Variants in UNC13A observed in about 807,000 individuals in gnomAD.
UNC13A encodes the protein protein unc-13 homolog A.
A neutral mutation model predicts 219.7 loss-of-function variants in UNC13A; 61 were observed. That is an observed-to-expected ratio of 0.28 (90% CI 0.23 to 0.34). The LOEUF is 0.34. Among genes scored for constraint, UNC13A ranks in the 10% least tolerant of loss-of-function variants. The pLI, the probability that UNC13A is intolerant of heterozygous loss-of-function variation, is 1.00. For missense variants in UNC13A, 1,476 were observed against 2,270.3 expected (o/e 0.65, Z 7.11); for synonymous variants, 920 against 884.6 (o/e 1.04, Z -0.71).
intron 9 of UNC13A, 45 bp downstream of exon 9, chr19:17,658,017 A>G: frequency 6.3e-7 from 1 of 1,588,926 alleles, no homozygotes; most frequent in Non-Finnish European, 8.6e-7. Flanking sequence ...CCACTCCAGG[A>G]GACACAGCAG....
Position 17,618,967 on chromosome 19 carries a change from A to G in UNC13A, c.4273-5T>C, listed in dbSNP as rs2144955796. ...ATTGAAGATCATCTGGGTTCCCTGC[A>G]GGTAACAACATACAGCTGGGTGAGG... is the stretch of plus-strand genomic sequence containing the variant. On this transcript the variant is annotated splice_polypyrimidine_tract_variant and splice_region_variant and intron_variant, in intron 38 of 43. Transcript: ENST00000519716. 1 of 1,613,934 alleles carries G rather than the reference A, an allele frequency of 6.2e-7. No homozygotes were observed. The highest frequency in any genetic ancestry group is 8.5e-7 in the Non-Finnish European group (1 of 1,179,836).
chr19:17,605,899 A>T lies in UNC13A; in HGVS notation c.*155T>A. Reference sequence around the variant, plus strand: ...CATCCTCCATTCCTAATTCCCCAAAAGGGAAAGCTGAGTCAAGGGCGTAGG... The same window carrying T: ...CATCCTCCATTCCTAATTCCCCAAATGGGAAAGCTGAGTCAAGGGCGTAGG... On this transcript the variant is annotated 3_prime_UTR_variant, in exon 44 of 44. Transcript: ENST00000519716. 1.4e-6 allele frequency: 1 copy of T among 701,718 alleles called. No homozygotes were observed. The highest frequency in any genetic ancestry group is 2.1e-6 in the Non-Finnish European group (1 of 480,064). 43.5% of individuals were successfully genotyped at this position (701,718 alleles called of 1,614,324 possible). A position where few individuals can be genotyped will look rare whatever the true frequency, so the allele number is the denominator to read the frequency against.
chr19:17,677,767 C>G (rs1568274373), intron 1 of UNC13A, among the ~76,000 whole-genome samples: 1 of 152,140 alleles, frequency 6.6e-6, no homozygotes, highest in Non-Finnish European at 1.5e-5. Context: ...CCAAAACAAC[C>G]AAAAGATGAG....
intron 43 of UNC13A, among the ~76,000 whole-genome samples, chr19:17,607,000 G>A (rs1225354712): frequency 4.6e-5 from 7 of 151,930 alleles, no homozygotes; most frequent in African/African-American, 9.7e-5. Context: ...TCTCCCTCTT[G>A]TCCACCTCCC....
Position 17,611,743 on chromosome 19 carries a change from T to A in UNC13A, c.4651+20A>T. 6.2e-7 allele frequency: 1 copy of A among 1,610,300 alleles called. No individual in the cohort carries two copies. The highest frequency in any genetic ancestry group is 1.1e-5 in the South Asian group (1 of 90,934). ...TCTGTTTTAGAACCTAGCAAGTCCC[T>A]CCCACCTCAGACCACTCACCTTTCA... On this transcript the variant is annotated intron_variant, in intron 42 of 43. Coordinates refer to ENST00000519716, the MANE Select transcript of UNC13A (RefSeq NM_001080421.3).
intron 9 of UNC13A, 119 bp downstream of exon 9, chr19:17,657,943 G>A (rs1297308918): frequency 9.8e-6 from 10 of 1,015,940 alleles, no homozygotes; most frequent in African/African-American, 3.2e-5. Context: ...TGCCCTCCTG[G>A]ATGGGTGAAT....
chr19:17,663,785 A>AT (rs1253335166), intron 7 of UNC13A, among the ~76,000 whole-genome samples: 2 of 149,810 alleles, frequency 1.3e-5, no homozygotes, highest in African/African-American at 2.4e-5. Flanking sequence ...CTGTTTGTTT[A>AT]TTTTTTTCTT....
At chr19:17,621,510 A>T (rs555965234) in intron 37 of UNC13A, among the ~76,000 whole-genome samples, 1 of 152,252 alleles carries the variant, frequency 6.6e-6, no homozygotes, top group South Asian at 2.1e-4. Context: ...CAGGGTGGTG[A>T]TCTAGCGTGT....
chr19:17,625,216 TG>T (rs943480379), intron 34 of UNC13A, among the ~76,000 whole-genome samples: 1 of 152,010 alleles, frequency 6.6e-6, no homozygotes, highest in African/African-American at 2.4e-5. Context: ...ATGGGGGTAG[TG>T]GGGAGCCATG....
In UNC13A at chr19:17,647,581, C is replaced by A. The variant is rs142411173; in HGVS notation, c.1817-89G>T. The A allele has an allele frequency of 4.0e-4, 530 of 1,317,858 alleles. 3 individuals are homozygous for A. Among genetic ancestry groups the A allele is most frequent in the Middle Eastern group, 3.9e-3 (18 of 4,622 alleles). 81.6% of individuals were successfully genotyped at this position (1,317,858 alleles called of 1,614,324 possible). ...GAGAGCCCCGCCCCTACTCATCAAC[C>A]GGGGGGACTCAGGTGTCACCCCCTG... On this transcript the variant is annotated intron_variant, in intron 16 of 43. Coordinates refer to ENST00000519716, the MANE Select transcript of UNC13A (RefSeq NM_001080421.3).
chr19:17,608,914 G>C (rs1473033022), intron 43 of UNC13A, among the ~76,000 whole-genome samples: 1 of 150,920 alleles, frequency 6.6e-6, no homozygotes. Flanking sequence ...GCCTCCCAAA[G>C]TGTTGAGCTT....
At chr19:17,682,517 G>T (rs572998198) in intron 1 of UNC13A, among the ~76,000 whole-genome samples, 3 of 152,284 alleles carry the variant, frequency 2.0e-5, no homozygotes, top group South Asian at 4.1e-4. Flanking sequence ...GAGGTCCATT[G>T]TATGTGGAAG....
intron 36 of UNC13A, chr19:17,622,469 G>A (rs74551295): frequency 0.033 from 5,110 of 152,696 alleles, 143 homozygotes; most frequent in Non-Finnish European, 0.053. Context: ...GCCTACAAAT[G>A]CATTGCCTGT....
rs115648333 is a variant in UNC13A, at chr19:17,639,741, G to A, written c.2856+99C>T. 1.6e-3 allele frequency: 2,265 copies of A among 1,395,010 alleles called. 29 individuals carry two copies. The African/African-American group carries it at 0.026, about 16-fold the overall frequency. The allele number at this position is 1,395,010 out of a possible 1,614,324, so 86.4% of individuals were successfully genotyped here. Reference sequence around the variant, plus strand: ...TGCTGGAGGAACACATCGTACATGCGAAGATGGGTCCTCCCATGCACACAC... The same window carrying A: ...TGCTGGAGGAACACATCGTACATGCAAAGATGGGTCCTCCCATGCACACAC... On this transcript the variant is annotated intron_variant, in intron 23 of 43. Coordinates refer to ENST00000519716, the MANE Select transcript of UNC13A (RefSeq NM_001080421.3).
In UNC13A at chr19:17,606,259, G is replaced by A; in HGVS notation, c.4907C>T (p.Ala1636Val). Residue 1636 changes from alanine to valine, a missense_variant, in exon 44 of 44, where the codon GCC becomes GTC. Transcript: ENST00000519716. ...GGCCAGCTCACGCAGCTGCAGCACG[G>A]CCAGCCCCACCGTGCGGTCCTCGCG... ...FAREDRTVGLAVLQLRELAQR... is the reference protein window; with the variant it reads ...FAREDRTVGLVVLQLRELAQR... 7.8e-6 allele frequency: 12 copies of A among 1,547,512 alleles called. No individual in the cohort carries two copies. Among genetic ancestry groups the A allele is most frequent in the Non-Finnish European group, 1.0e-5 (12 of 1,146,426 alleles).
chr19:17,617,651 G>A (rs2076681268), intron 41 of UNC13A, 51 bp downstream of exon 41: 1 of 1,599,334 alleles, frequency 6.3e-7, no homozygotes, highest in African/African-American at 1.3e-5. Flanking sequence ...GGCTTGGGGC[G>A]GGGCTGTCTC....
chr19:17,656,354 T>C lies in UNC13A; in HGVS notation c.812A>G (p.Gln271Arg). 6.4e-7 allele frequency: 1 copy of C among 1,556,742 alleles called. No individual in the cohort carries two copies. Among genetic ancestry groups the C allele is most frequent in the Non-Finnish European group, 8.7e-7 (1 of 1,151,490 alleles). The change falls in exon 10 of 44, where the codon CAG becomes CGG. Residue 271 changes from glutamine to arginine, a missense_variant. Gln to Arg is a conservative substitution (Grantham distance 43). Coordinates refer to ENST00000519716, the MANE Select transcript of UNC13A (RefSeq NM_001080421.3). Reference sequence around the variant, plus strand: ...GTCCTCGCTCAGCTGAGAGCTTCCCTGGCTCAGCTCCCCGGAAGAGGCATA... The same window carrying C: ...GTCCTCGCTCAGCTGAGAGCTTCCCCGGCTCAGCTCCCCGGAAGAGGCATA... Reference protein sequence around the residue: ...SRYASSGELSQGSSQLSEDFD... With the variant: ...SRYASSGELSRGSSQLSEDFD...
Position 17,639,613 on chromosome 19 carries a change from C to A in UNC13A, c.2857-88G>T, listed in dbSNP as rs746870584. 2.8e-6 allele frequency: 4 copies of A among 1,425,166 alleles called. No homozygotes were observed. In the African/African-American group the frequency reaches 5.7e-5, roughly 20 times the overall value. 88.3% of individuals were successfully genotyped at this position (1,425,166 alleles called of 1,614,324 possible). A position where few individuals can be genotyped will look rare whatever the true frequency, so the allele number is the denominator to read the frequency against. On this transcript the variant is annotated intron_variant, in intron 23 of 43. Coordinates refer to ENST00000519716, the MANE Select transcript of UNC13A (RefSeq NM_001080421.3). ...TTTTCAGGGGGATACAAAGGCTCCC[C>A]GGTTTCAGGCTGGGGGTTGATTAGA...
At chr19:17,683,496 A>G (rs1220742604) in intron 1 of UNC13A, among the ~76,000 whole-genome samples, 1 of 151,834 alleles carries the variant, frequency 6.6e-6, no homozygotes, top group African/African-American at 2.4e-5. Context: ...CATCTCTACT[A>G]AAAATACAAA....
Sources: allele counts gnomAD v4.1 joint callset (sites outside exome capture counted in the v4.1 genomes callset), GRCh38; gene constraint gnomAD v4.1.1; transcripts MANE v1.5; gene names NCBI Gene and HGNC (gene_info 2026-07-23, HGNC 2026-07-21).